The following SP3 variants were observed in gnomAD, a reference collection of about 807,000 sequenced individuals.
SP3 encodes the protein Sp3 transcription factor.
A neutral mutation model predicts 70.3 loss-of-function variants in SP3; 10 were observed. The observed-to-expected ratio is 0.14, with a 90% CI of 0.09 to 0.24. SP3 has a LOEUF of 0.24. Among genes scored for constraint, SP3 ranks in the 10% least tolerant of loss-of-function variants. The pLI is 1.00. For missense variants in SP3, 825 were observed against 914.6 expected (o/e 0.90, Z 1.26); for synonymous variants, 402 against 333.5 (o/e 1.21, Z -2.24).
intron 4 of SP3, among the ~76,000 whole-genome samples, chr2:173,935,831 C>T (rs1157568321): frequency 6.6e-6 from 1 of 151,982 alleles, no homozygotes; most frequent in Non-Finnish European, 1.5e-5. Context: ...CCCTCACAAA[C>T]GTGCCAATGA....
Position 173,904,429 on chromosome 2 carries a change from G to A in SP3, c.*5512C>T, listed in dbSNP as rs961943390. ...TGACTTAAGAAAAAACTAAGTTGGG[G>A]AGTCTCTCTGTAAGGTTTTAAGGCT... On this transcript the variant is annotated 3_prime_UTR_variant, in exon 7 of 7. Transcript: ENST00000310015. Among the ~76,000 whole-genome samples, 1 of 151,264 alleles carries A rather than the reference G, an allele frequency of 6.6e-6. No homozygotes were observed. Among genetic ancestry groups the A allele is most frequent in the Non-Finnish European group, 1.5e-5 (1 of 68,038 alleles).
rs1273206750 is a variant in SP3, at chr2:173,908,969, T to C, written c.*972A>G. The C allele has an allele frequency of 1.3e-5, 2 of 152,262 alleles. No individual in the cohort carries two copies. Among genetic ancestry groups the C allele is most frequent in the Non-Finnish European group, 2.9e-5 (2 of 67,864 alleles). The allele number at this position is 152,262 out of a possible 1,614,324, so 9.4% of individuals were successfully genotyped here. Reference sequence around the variant, plus strand: ...ACCTCTAGTTCTTCTATGACTAATATCCATATGGTTGGAGTATCGTCACTA... The same window carrying C: ...ACCTCTAGTTCTTCTATGACTAATACCCATATGGTTGGAGTATCGTCACTA... On this transcript the variant is annotated 3_prime_UTR_variant, in exon 7 of 7. Coordinates refer to ENST00000310015, the MANE Select transcript of SP3 (RefSeq NM_003111.5).
At position 173,907,904 on chromosome 2, in the gene SP3, T is replaced by G. The variant is rs998876855; in HGVS notation, c.*2037A>C. 2 of 152,116 alleles carry G rather than the reference T, an allele frequency of 1.3e-5. No homozygotes were observed. The highest frequency in any genetic ancestry group is 2.4e-5 in the African/African-American group (1 of 41,442). The allele number at this position is 152,116 out of a possible 1,614,324, so 9.4% of individuals were successfully genotyped here. ...GTCTCACATTTAGAAAAACTGTCCA[T>G]GTTTATGCGTGTCTAGAGTTCTCCA... On this transcript the variant is annotated 3_prime_UTR_variant, in exon 7 of 7. Coordinates refer to ENST00000310015, the MANE Select transcript of SP3 (RefSeq NM_003111.5).
At chr2:173,963,914 G>C (rs547636021) in intron 2 of SP3, 31 bp from the exon 3 acceptor site, 2 of 1,425,282 alleles carry the variant, frequency 1.4e-6, no homozygotes, top group African/African-American at 3.0e-5. Context: ...CAGAGAGGGA[G>C]ACAGGGGGAG....
intron 4 of SP3, among the ~76,000 whole-genome samples, chr2:173,942,980 A>G (rs983446371): frequency 2.0e-5 from 3 of 152,112 alleles, no homozygotes; most frequent in African/African-American, 7.2e-5. Flanking sequence ...TTGTGGGAGG[A>G]TGTGTGTAGG....
At chr2:173,923,332 GAA>G (rs1377400973) in intron 4 of SP3, among the ~76,000 whole-genome samples, 2 of 151,656 alleles carry the variant, frequency 1.3e-5, no homozygotes, top group African/African-American at 4.8e-5. Context: ...GAATTGAAGA[GAA>G]AAAAACAGAA....
At position 173,904,056 on chromosome 2, in the gene SP3, T is replaced by C. The variant is rs1689246293; in HGVS notation, c.*5885A>G. 6.6e-6 allele frequency among the ~76,000 whole-genome samples: 1 copy of C among 152,020 alleles called. No individual in the cohort carries two copies. The highest frequency in any genetic ancestry group is 1.5e-5 in the Non-Finnish European group (1 of 67,986). On this transcript the variant is annotated 3_prime_UTR_variant, in exon 7 of 7. Transcript: ENST00000310015. ...CTACCTCAGATCATCAGACATTAGA[T>C]TCTCTTAAGGAGGGCACTACCTAGA...
In SP3 at chr2:173,907,020, A is replaced by T. The variant is rs1427480999; in HGVS notation, c.*2921T>A. 1.3e-5 allele frequency: 2 copies of T among 152,190 alleles called. No individual in the cohort carries two copies. The highest frequency in any genetic ancestry group is 4.8e-5 in the African/African-American group (2 of 41,460). 9.4% of individuals were successfully genotyped at this position (152,190 alleles called of 1,614,324 possible). ...GCCACTATTTTGAAAGACCAAAGTTATTTACAGGGCATCTGACTTTCTGCG... is the reference window on the plus strand; with the variant it reads ...GCCACTATTTTGAAAGACCAAAGTTTTTTACAGGGCATCTGACTTTCTGCG... On this transcript the variant is annotated 3_prime_UTR_variant, in exon 7 of 7. Transcript: ENST00000310015.
At chr2:173,944,479 C>T (rs1690475035) in intron 4 of SP3, among the ~76,000 whole-genome samples, 1 of 152,138 alleles carries the variant, frequency 6.6e-6, no homozygotes, top group South Asian at 2.1e-4. Flanking sequence ...GCCAAAACTG[C>T]ACCACTGCAC....
intron 3 of SP3, among the ~76,000 whole-genome samples, chr2:173,962,427 TAAA>T (rs747058251): frequency 6.6e-6 from 1 of 152,190 alleles, no homozygotes; most frequent in Non-Finnish European, 1.5e-5. Flanking sequence ...ATACAGTTCA[TAAA>T]AAAATCTACC....
chr2:173,913,293 T>A (rs751635991), intron 5 of SP3, 27 bp from the exon 6 acceptor site: 1 of 1,417,280 alleles, frequency 7.1e-7, no homozygotes, highest in African/African-American at 1.5e-5. Context: ...GAATAATATA[T>A]ACTTATATGA....
At chr2:173,963,928 G>A (rs1290185541) in intron 2 of SP3, 45 bp from the exon 3 acceptor site, 15 of 1,359,140 alleles carry the variant, frequency 1.1e-5, no homozygotes, top group East Asian at 9.3e-5. Flanking sequence ...GGGGGAGGGG[G>A]TGGCGGTTAG....
intron 4 of SP3, among the ~76,000 whole-genome samples, chr2:173,934,884 T>C (rs1234087837): frequency 1.3e-5 from 2 of 152,152 alleles, no homozygotes; most frequent in East Asian, 1.9e-4. Flanking sequence ...TTTTGGCATA[T>C]AAGAGGATCC....
chr2:173,958,767 A>C (rs1284226648), intron 3 of SP3, among the ~76,000 whole-genome samples: 2 of 151,976 alleles, frequency 1.3e-5, no homozygotes, highest in Admixed American at 1.3e-4. Flanking sequence ...ACTCGACAAT[A>C]TATTACACAA....
In SP3 at chr2:173,905,536, T is replaced by A. The variant is rs1229554751; in HGVS notation, c.*4405A>T. ...ATAGGCCTTCTCAGGATATCATTCTTAACATCAAAAACTGTATCTTAAACG... is the reference window on the plus strand; with the variant it reads ...ATAGGCCTTCTCAGGATATCATTCTAAACATCAAAAACTGTATCTTAAACG... On this transcript the variant is annotated 3_prime_UTR_variant, in exon 7 of 7. Transcript: ENST00000310015. 1.3e-5 allele frequency among the ~76,000 whole-genome samples: 2 copies of A among 152,188 alleles called. No homozygotes were observed. Among genetic ancestry groups the A allele is most frequent in the African/African-American group, 4.8e-5 (2 of 41,448 alleles).
upstream of SP3, chr2:173,965,497 C>G (rs548396590): frequency 3.1e-6 from 1 of 319,244 alleles, no homozygotes; most frequent in Non-Finnish European, 5.8e-6. Flanking sequence ...CCTGTTTGCC[C>G]CCGGGTGGAA....
At chr2:173,963,522 C>T (rs1691154466) in intron 3 of SP3, 1 of 154,840 alleles carries the variant, frequency 6.5e-6, no homozygotes, top group African/African-American at 2.4e-5. Context: ...CCCGCCCTCT[C>T]AGACTTCATT....
At chr2:173,946,569 T>A (rs1690545481) in intron 4 of SP3, among the ~76,000 whole-genome samples, 1 of 152,188 alleles carries the variant, frequency 6.6e-6, no homozygotes, top group South Asian at 2.1e-4. Flanking sequence ...GGTCTTTGAA[T>A]AATAGTATTT....
Position 173,964,421 on chromosome 2 carries a change from G to GCCGCCA in SP3, c.134_139dup (p.Val45_Ala46dup), listed in dbSNP as rs769218625. The GCCGCCA allele has an allele frequency of 2.8e-6, 2 of 725,644 alleles. No individual in the cohort carries two copies. Among genetic ancestry groups the GCCGCCA allele is most frequent in the South Asian group, 2.9e-5 (2 of 69,116 alleles). 45.0% of individuals were successfully genotyped at this position (725,644 alleles called of 1,614,324 possible). A position where few individuals can be genotyped will look rare whatever the true frequency, so the allele number is the denominator to read the frequency against. Reference sequence around the variant, plus strand: ...GCTCCTCACCTGGGCCGCCGCTGCCGCCGCCACCGCACCGTTTCCGTGCTG... The same window carrying GCCGCCA: ...GCTCCTCACCTGGGCCGCCGCTGCCGCCGCCACCGCCACCGCACCGTTTCCGTGCTG... On this transcript the variant is annotated inframe_insertion, in exon 2 of 7. Transcript: ENST00000310015.
Sources: gnomAD v4.1 joint callset for allele counts (sites outside exome capture counted in the v4.1 genomes callset) on GRCh38, gnomAD v4.1.1 for gene constraint, MANE v1.5 for transcripts, NCBI Gene and HGNC (gene_info 2026-07-23, HGNC 2026-07-21) for gene names.